Variants in TRPV5 observed in about 807,000 individuals in gnomAD.
TRPV5 encodes the protein transient receptor potential cation channel subfamily V member 5, also known as calcium transport protein 2.
Under a neutral mutation model 74.1 loss-of-function variants are expected in TRPV5, and 66 were observed. That is an observed-to-expected ratio of 0.89 (90% confidence interval 0.73 to 1.09). The LOEUF is 1.09. Among genes scored for constraint, TRPV5 ranks in the 50% least tolerant of loss-of-function variants. TRPV5 has a pLI of 0.00. For synonymous variants in TRPV5, 399 were observed against 360.7 expected (o/e 1.11, Z -1.20); for missense variants, 936 against 930.4 (o/e 1.01, Z -0.08).
chr7:142,928,970 T>C, intron 5 of TRPV5, 52 bp downstream of exon 5: 1 of 1,612,904 alleles, frequency 6.2e-7, no homozygotes, highest in Non-Finnish European at 8.5e-7. Flanking sequence ...CTCCTTACCC[T>C]GTCCCTCGCT....
intron 14 of TRPV5, among the ~76,000 whole-genome samples, chr7:142,909,176 C>T (rs1436838014): frequency 2.6e-5 from 4 of 152,054 alleles, no homozygotes; most frequent in Admixed American, 6.5e-5. Flanking sequence ...AGGAGAGTCA[C>T]GCCGGGAGAT....
In TRPV5 at chr7:142,929,941, T is replaced by A. The variant is rs573489102; in HGVS notation, c.349+117A>T. On this transcript the variant is annotated intron_variant, in intron 3 of 14. Transcript: ENST00000265310. The stretch of plus-strand genomic sequence containing the variant: ...ATTTCTCCCAACTCAACGGAGCCCA[T>A]CCTCCTGACCCTCCATCACCCCACC... 4.0e-6 allele frequency: 6 copies of A among 1,500,368 alleles called. No individual in the cohort carries two copies. In the African/African-American group the frequency reaches 7.1e-5, roughly 18 times the overall value. 92.9% of individuals were successfully genotyped at this position (1,500,368 alleles called of 1,614,324 possible). A position where few individuals can be genotyped will look rare whatever the true frequency, so the allele number is the denominator to read the frequency against.
chr7:142,911,783 G>A (rs1208929759), intron 13 of TRPV5, among the ~76,000 whole-genome samples: 1 of 152,182 alleles, frequency 6.6e-6, no homozygotes, highest in African/African-American at 2.4e-5. Flanking sequence ...GAAAAATGAT[G>A]GCTATATTCA....
rs971550309 is a variant in TRPV5, at chr7:142,929,358, A to C, written c.487+70T>G. The stretch of plus-strand genomic sequence containing the variant: ...AGATGGAGCTGAAGGCAGGACCCTC[A>C]TGCCCTGGCCTCCCTCTGCCTTGCC... On this transcript the variant is annotated intron_variant, in intron 4 of 14. Transcript: ENST00000265310. 2.5e-6 allele frequency: 4 copies of C among 1,582,354 alleles called. No homozygotes were observed. In the Admixed American group the frequency reaches 6.8e-5, roughly 27 times the overall value.
At chr7:142,921,215 T>C (rs1443320357) in intron 8 of TRPV5, among the ~76,000 whole-genome samples, 4 of 152,240 alleles carry the variant, frequency 2.6e-5, no homozygotes, top group Non-Finnish European at 5.9e-5. Flanking sequence ...TTGCCTTCAA[T>C]AAGTCTCCTG....
intron 11 of TRPV5, 37 bp from the exon 12 acceptor site, chr7:142,914,743 C>T (rs140090060): frequency 2.3e-5 from 37 of 1,611,260 alleles, no homozygotes; most frequent in Non-Finnish European, 3.1e-5. Flanking sequence ...TGGGATGATT[C>T]CTTTTCCACT....
At position 142,930,419 on chromosome 7, in the gene TRPV5, T is replaced by C. The variant is rs766348386; in HGVS notation, c.156A>G (p.Ala52=). The change falls in exon 2 of 15, where the codon GCA becomes GCG. Residue 52 remains alanine (A), a synonymous_variant. Coordinates refer to ENST00000265310, the MANE Select transcript of TRPV5 (RefSeq NM_019841.7). ...GAACAGACAGGTCATTTTCCTTGGA[T>C]GCTCGAAGCAGTGGAGACTCTAGAA... ...KRILESPLLR[A]SKENDLSVLR... 2.2e-5 allele frequency: 36 copies of C among 1,614,076 alleles called. No homozygotes were observed. The highest frequency in any genetic ancestry group is 1.1e-4 in the East Asian group (5 of 44,896).
intron 8 of TRPV5, among the ~76,000 whole-genome samples, chr7:142,916,918 A>G (rs949051432): frequency 2.6e-5 from 4 of 151,756 alleles, no homozygotes; most frequent in African/African-American, 9.7e-5. Flanking sequence ...TTGGCTTAAA[A>G]AATGGTATGC....
Position 142,915,354 on chromosome 7 carries a change from A to G in TRPV5, c.1239T>C (p.Ser413=). The G allele has an allele frequency of 1.2e-6, 2 of 1,607,368 alleles. No individual in the cohort carries two copies. Among genetic ancestry groups the G allele is most frequent in the Non-Finnish European group, 1.7e-6 (2 of 1,178,404 alleles). ...CAAGAATCGTCTTTCCAAAATAGCG[A>G]GAGGCACCAACCCTGAAGATGTCTG... The part of the protein sequence containing the change: ...EIPDIFRVGA[S]RYFGKTILGG... The change falls in exon 10 of 15, where the codon TCT becomes TCC. Residue 413 remains serine (S), a synonymous_variant. Transcript: ENST00000265310.
At chr7:142,915,602 A>C in intron 8 of TRPV5, 34 bp from the exon 9 acceptor site, 1 of 1,604,302 alleles carries the variant, frequency 6.2e-7, no homozygotes. Context: ...GTGCTTTCTG[A>C]TGGGCAGAGT....
intron 4 of TRPV5, 152 bp downstream of exon 4, chr7:142,929,276 G>A: frequency 1.2e-5 from 17 of 1,466,812 alleles, no homozygotes; most frequent in Non-Finnish European, 1.5e-5. Context: ...ACCATCAGGG[G>A]AATGGGCCTC....
intron 12 of TRPV5, among the ~76,000 whole-genome samples, chr7:142,913,830 A>G (rs1586215333): frequency 1.3e-5 from 2 of 152,154 alleles, no homozygotes; most frequent in African/African-American, 4.8e-5. Flanking sequence ...TGTCTAATAG[A>G]TGGTCAGTTG....
In TRPV5 at chr7:142,932,499, A is replaced by C. The variant is rs571496023; in HGVS notation, c.128+833T>G. On this transcript the variant is annotated intron_variant, in intron 1 of 14. Coordinates refer to ENST00000265310, the MANE Select transcript of TRPV5 (RefSeq NM_019841.7). The stretch of plus-strand genomic sequence containing the variant: ...GATGAGGACAGCAGGGCATTGAACA[A>C]AGCACAGGAATCTTCTGGAGTACAG... 9.5e-4 allele frequency among the ~76,000 whole-genome samples: 145 copies of C among 152,302 alleles called. 1 individual carries two copies. The highest frequency in any genetic ancestry group is 3.3e-3 in the African/African-American group (139 of 41,568).
At position 142,912,537 on chromosome 7, in the gene TRPV5, A is replaced by G. The variant is rs985344779; in HGVS notation, c.1733T>C (p.Met578Thr). 1.2e-6 allele frequency: 2 copies of G among 1,614,224 alleles called. No individual in the cohort carries two copies. The highest frequency in any genetic ancestry group is 8.5e-7 in the Non-Finnish European group (1 of 1,180,040). ...LLMLNLFIAM[M>T]GDTHWRVAQE... ...GGCCACCCTCCAGTGGGTGTCGCCC[A>G]TCATGGCGATGAACAAGTTGAGCAT... Residue 578 changes from methionine (M) to threonine (T), a missense_variant, in exon 13 of 15, where the codon ATG becomes ACG. Coordinates refer to ENST00000265310, the MANE Select transcript of TRPV5 (RefSeq NM_019841.7).
intron 13 of TRPV5, among the ~76,000 whole-genome samples, chr7:142,910,906 C>T (rs1795692673): frequency 6.6e-6 from 1 of 152,092 alleles, no homozygotes; most frequent in African/African-American, 2.4e-5. Context: ...AATCTATTTT[C>T]CCCCAAACCT....
chr7:142,923,633 A>G (rs1212408447), intron 8 of TRPV5, among the ~76,000 whole-genome samples: 1 of 152,180 alleles, frequency 6.6e-6, no homozygotes, highest in African/African-American at 2.4e-5. Flanking sequence ...GAAGGCAGAA[A>G]GGGTAAAAAT....
chr7:142,929,842 G>A (rs748357439), intron 3 of TRPV5, among the ~76,000 whole-genome samples: 3 of 152,182 alleles, frequency 2.0e-5, no homozygotes, highest in Non-Finnish European at 4.4e-5. Context: ...AGGTCCTACA[G>A]GGACTATGGG....
At chr7:142,919,850 C>T (rs1795856000) in intron 8 of TRPV5, among the ~76,000 whole-genome samples, 1 of 152,168 alleles carries the variant, frequency 6.6e-6, no homozygotes, top group Non-Finnish European at 1.5e-5. Context: ...GAACATAGGC[C>T]ACCACAGTGG....
chr7:142,931,665 T>C (rs1240748203), intron 1 of TRPV5, among the ~76,000 whole-genome samples: 1 of 152,194 alleles, frequency 6.6e-6, no homozygotes, highest in Non-Finnish European at 1.5e-5. Flanking sequence ...TCTCTTCCAA[T>C]AGCCCCAGGA....
Sources: allele counts gnomAD v4.1 joint callset (sites outside exome capture counted in the v4.1 genomes callset), GRCh38; gene constraint gnomAD v4.1.1; transcripts MANE v1.5; gene names NCBI Gene and HGNC (gene_info 2026-07-23, HGNC 2026-07-21).